SORCS3: variants seen among roughly 807,000 people sequenced by gnomAD.
SORCS3 encodes the protein sortilin related VPS10 domain containing receptor 3.
SORCS3 carries 57 observed loss-of-function variants against 146.3 expected under a neutral mutation model. The ratio of observed to expected loss-of-function variants is 0.39; its 90% confidence interval spans 0.31 to 0.49. SORCS3 has a LOEUF of 0.49. Among genes scored for constraint, SORCS3 ranks in the 20% least tolerant of loss-of-function variants. The probability of loss-of-function intolerance (pLI) is 0.92; values close to 1 mark genes in which losing one functional copy is unlikely to be tolerated. For synonymous variants in SORCS3, 653 were observed against 618.5 expected (o/e 1.06, Z -0.83); for missense variants, 1,341 against 1,575.5 (o/e 0.85, Z 2.52).
At chr10:104,876,749 T>TCC (rs200268784) in intron 2 of SORCS3, among the ~76,000 whole-genome samples, 67,972 of 120,374 alleles carry the variant, frequency 0.56, 20,322 homozygotes, top group East Asian at 0.81. Flanking sequence ...CTTCCTTCCT[T>TCC]TCTTTCTTTC....
At chr10:104,997,516 T>C (rs944714066) in intron 4 of SORCS3, among the ~76,000 whole-genome samples, 44 of 152,290 alleles carry the variant, frequency 2.9e-4, no homozygotes, top group Middle Eastern at 3.4e-3. Flanking sequence ...TCTGCTGTTA[T>C]AATCATTGGA....
intron 20 of SORCS3, 117 bp downstream of exon 20, chr10:105,223,366 A>G (rs2056716080): frequency 9.7e-7 from 1 of 1,031,052 alleles, no homozygotes; most frequent in Non-Finnish European, 1.3e-6. Flanking sequence ...TACTTAATAA[A>G]CCTATGAGCC....
At chr10:105,240,642 T>A (rs2056816637) in intron 20 of SORCS3, among the ~76,000 whole-genome samples, 1 of 152,094 alleles carries the variant, frequency 6.6e-6, no homozygotes. Flanking sequence ...CGTAGTTGAA[T>A]TTTTTTTATA....
At position 104,643,212 on chromosome 10, in the gene SORCS3, G is replaced by A. The variant is rs184025211; in HGVS notation, c.627+1258G>A. Among the ~76,000 whole-genome samples, 22 of 152,238 alleles carry A rather than the reference G, an allele frequency of 1.4e-4. No homozygotes were observed. In the South Asian group the frequency reaches 1.9e-3, roughly 13 times the overall value. On this transcript the variant is annotated intron_variant, in intron 1 of 26. Transcript: ENST00000369701. ...AACTGATTTGATAGGAACTCACCCC[G>A]CAACTCCCTGCCGTTTTGTATTTCT... is the stretch of plus-strand genomic sequence containing the variant.
chr10:104,999,983 T>C (rs550230148), intron 4 of SORCS3, among the ~76,000 whole-genome samples: 20 of 152,066 alleles, frequency 1.3e-4, no homozygotes, highest in Non-Finnish European at 2.1e-4. Flanking sequence ...TTTTCAATAA[T>C]GAACAATTCA....
At chr10:105,223,424 A>C (rs539075126) in intron 20 of SORCS3, among the ~76,000 whole-genome samples, 175 bp downstream of exon 20, 5 of 152,342 alleles carry the variant, frequency 3.3e-5, no homozygotes, top group Middle Eastern at 3.4e-3. Context: ...TCATTACTTT[A>C]TTAGGGAAAG....
At chr10:105,074,698 G>A (rs1410806598) in intron 5 of SORCS3, among the ~76,000 whole-genome samples, 1 of 152,138 alleles carries the variant, frequency 6.6e-6, no homozygotes, top group East Asian at 1.9e-4. Flanking sequence ...AACCCGTAAA[G>A]CAGATGCCCA....
chr10:105,167,576 G>A (rs1239631803), intron 13 of SORCS3, among the ~76,000 whole-genome samples: 1 of 152,116 alleles, frequency 6.6e-6, no homozygotes, highest in Non-Finnish European at 1.5e-5. Flanking sequence ...GTGGTAATGA[G>A]TGGTCAGATA....
At chr10:104,669,429 A>G (rs1427766125) in intron 1 of SORCS3, among the ~76,000 whole-genome samples, 1 of 152,136 alleles carries the variant, frequency 6.6e-6, no homozygotes, top group Admixed American at 6.6e-5. Context: ...CCTGACAACC[A>G]TCATTCTACT....
chr10:105,258,467 C>T (rs891782182), intron 25 of SORCS3, among the ~76,000 whole-genome samples: 1 of 152,156 alleles, frequency 6.6e-6, no homozygotes, highest in Non-Finnish European at 1.5e-5. Context: ...CTGGGCGTGA[C>T]AATCAACTAA....
chr10:105,221,093 T>G (rs1304000117), intron 19 of SORCS3, among the ~76,000 whole-genome samples: 1 of 152,220 alleles, frequency 6.6e-6, no homozygotes, highest in Non-Finnish European at 1.5e-5. Context: ...TTTTTAATTT[T>G]TGTGGGTACA....
intron 21 of SORCS3, 146 bp downstream of exon 21, chr10:105,245,811 C>T (rs1279072569): frequency 1.1e-6 from 1 of 943,960 alleles, no homozygotes; most frequent in East Asian, 2.7e-5. Context: ...AAACCTACCT[C>T]CGACCTAGAG....
chr10:104,793,702 C>A (rs1222498966), intron 1 of SORCS3, among the ~76,000 whole-genome samples: 2 of 152,090 alleles, frequency 1.3e-5, no homozygotes, highest in African/African-American at 2.4e-5. Flanking sequence ...GACAGAGCAG[C>A]AAGTGTATTA....
At chr10:104,877,951 C>T (rs1356934578) in intron 2 of SORCS3, among the ~76,000 whole-genome samples, 1 of 152,142 alleles carries the variant, frequency 6.6e-6, no homozygotes, top group African/African-American at 2.4e-5. Context: ...CTTATTTATA[C>T]ATATATACCT....
chr10:105,082,113 T>G (rs2055630058), intron 5 of SORCS3, among the ~76,000 whole-genome samples: 1 of 152,236 alleles, frequency 6.6e-6, no homozygotes. Context: ...TCAAGCATTG[T>G]GTCTAATAAG....
chr10:105,012,201 C>T (rs1468397286), intron 4 of SORCS3, among the ~76,000 whole-genome samples: 1 of 152,092 alleles, frequency 6.6e-6, no homozygotes, highest in African/African-American at 2.4e-5. Context: ...ACTTGTGTTT[C>T]CAAAAGCTTC....
intron 1 of SORCS3, among the ~76,000 whole-genome samples, chr10:104,835,565 G>T (rs1018904549): frequency 1.3e-5 from 2 of 152,200 alleles, no homozygotes; most frequent in Admixed American, 6.5e-5. Context: ...ACAGGCCAGA[G>T]CGTCCTAGTG....
intron 3 of SORCS3, 117 bp from the exon 4 acceptor site, chr10:104,977,218 G>A (rs2054904286): frequency 1.4e-6 from 1 of 707,820 alleles, no homozygotes; most frequent in Non-Finnish European, 2.0e-6. Flanking sequence ...CAGAGGCCCA[G>A]ATGCTCCTTT....
intron 4 of SORCS3, among the ~76,000 whole-genome samples, chr10:105,033,535 T>C (rs1417639960): frequency 6.6e-6 from 1 of 152,196 alleles, no homozygotes; most frequent in East Asian, 1.9e-4. Flanking sequence ...AGATTTCAGA[T>C]GGGATTCCTC....
Sources: gnomAD v4.1 joint callset for allele counts (sites outside exome capture counted in the v4.1 genomes callset) on GRCh38, gnomAD v4.1.1 for gene constraint, MANE v1.5 for transcripts, NCBI Gene and HGNC (gene_info 2026-07-23, HGNC 2026-07-21) for gene names.